CCDC146: variants seen among roughly 807,000 people sequenced by gnomAD.
CCDC146 encodes the protein coiled-coil domain containing 146, also known as coiled-coil domain-containing protein 146.
CCDC146 carries 92 observed loss-of-function variants against 119.3 expected under a neutral mutation model. The ratio of observed to expected loss-of-function variants is 0.77; its 90% CI spans 0.65 to 0.92. The LOEUF (loss-of-function observed/expected upper bound fraction) is 0.92, where lower values mean the gene tolerates loss of function less well. Ranked by LOEUF, CCDC146 falls within the 40% of genes least tolerant of loss-of-function variation. The pLI is 0.00. For missense variants in CCDC146, 1,000 were observed against 1,103.0 expected, an observed-to-expected ratio of 0.91 and a Z score of 1.32; for synonymous variants, 372 against 371.8, an observed-to-expected ratio of 1.00 and a Z score of -0.01.
At chr7:77,198,988 CTA>C (rs1198491610) in intron 2 of CCDC146, 2 of 594,514 alleles carry the variant, frequency 3.4e-6, no homozygotes, top group Non-Finnish European at 5.8e-6. Context: ...ACAGAACTAA[CTA>C]TGATTTTTGT....
chr7:77,282,400 T>C (rs1269873131), intron 14 of CCDC146, 157 bp from the exon 15 acceptor site: 1 of 602,300 alleles, frequency 1.7e-6, no homozygotes, highest in African/African-American at 1.9e-5. Flanking sequence ...AAAGTGTGGA[T>C]GTAATTTAAC....
At chr7:77,227,287 A>G (rs1294372039) in intron 2 of CCDC146, among the ~76,000 whole-genome samples, 1 of 152,114 alleles carries the variant, frequency 6.6e-6, no homozygotes, top group East Asian at 1.9e-4. Flanking sequence ...ACCTACAATT[A>G]GGCTTCAAAC....
rs1368705314 is a variant in CCDC146, at chr7:77,171,452, C to A, written c.156+3628C>A. Among the ~76,000 whole-genome samples, 4 of 152,188 alleles carry A rather than the reference C, an allele frequency of 2.6e-5. No individual in the cohort carries two copies. The East Asian group carries it at 7.7e-4, about 29-fold the overall frequency. ...CTGTGAGAAGACCGGAGGGATAATACCCATATACCTTAATAAAGGTGAGCT... is the reference window on the plus strand; with the variant it reads ...CTGTGAGAAGACCGGAGGGATAATAACCATATACCTTAATAAAGGTGAGCT... On this transcript the variant is annotated intron_variant, in intron 2 of 18. Coordinates refer to ENST00000285871, the MANE Select transcript of CCDC146 (RefSeq NM_020879.3).
At chr7:77,182,226 T>C (rs898746292) in intron 2 of CCDC146, among the ~76,000 whole-genome samples, 8 of 152,164 alleles carry the variant, frequency 5.3e-5, no homozygotes, top group Non-Finnish European at 1.2e-4. Flanking sequence ...TAAATCTTAA[T>C]GATTTGGAAA....
At position 77,242,322 on chromosome 7, in the gene CCDC146, G is replaced by A. The variant is rs539447036; in HGVS notation, c.449+422G>A. On this transcript the variant is annotated intron_variant, in intron 4 of 18. Transcript: ENST00000285871. ...CCAAACAAGCCTCCATGAGCTGAGG[G>A]TCACATGTCATCTGGCTCACTCTAT... The A allele has an allele frequency of 1.6e-4, 155 of 957,512 alleles. No homozygotes were observed. In the Middle Eastern group the frequency reaches 2.7e-3, roughly 16 times the overall value. The allele number at this position is 957,512 out of a possible 1,614,324, so 59.3% of individuals were successfully genotyped here.
chr7:77,294,466 GTGT>G (rs754367051), intron 18 of CCDC146, among the ~76,000 whole-genome samples, 194 bp from the exon 19 acceptor site: 93 of 57,610 alleles, frequency 1.6e-3, no homozygotes, highest in South Asian at 3.9e-3. Context: ...AGAGGTAGGT[GTGT>G]GTGTGTGTGT....
Position 77,234,178 on chromosome 7 carries a change from C to G in CCDC146, c.157-2769C>G, listed in dbSNP as rs560112460. Reference sequence around the variant, plus strand: ...CATTGTACCCATATACATACAAACACACACTCACATATTTACCTTTTCATA... The same window carrying G: ...CATTGTACCCATATACATACAAACAGACACTCACATATTTACCTTTTCATA... On this transcript the variant is annotated intron_variant, in intron 2 of 18. Coordinates refer to ENST00000285871, the MANE Select transcript of CCDC146 (RefSeq NM_020879.3). Among the ~76,000 whole-genome samples, 5 of 152,154 alleles carry G rather than the reference C, an allele frequency of 3.3e-5. No individual in the cohort carries two copies. The East Asian group carries it at 9.6e-4, about 29-fold the overall frequency.
chr7:77,138,172 A>G (rs1016528523), intron 1 of CCDC146, among the ~76,000 whole-genome samples: 11 of 152,176 alleles, frequency 7.2e-5, no homozygotes, highest in African/African-American at 2.6e-4. Context: ...GAACAGAATA[A>G]AGGGTCCAGA....
intron 2 of CCDC146, among the ~76,000 whole-genome samples, chr7:77,235,889 G>T (rs1349055526): frequency 6.6e-6 from 1 of 152,062 alleles, no homozygotes; most frequent in Non-Finnish European, 1.5e-5. Flanking sequence ...GGCTAACATG[G>T]TGAACCCCCA....
rs755612977 is a variant in CCDC146 at position 77,282,648 on chromosome 7, G to T, written c.2011G>T (p.Glu671Ter). 6 of 1,612,214 alleles carry T rather than the reference G, an allele frequency of 3.7e-6. No homozygotes were observed. The highest frequency in any genetic ancestry group is 1.7e-5 in the Admixed American group (1 of 59,982). ...GAAGATGAAACTAAATGGAGAAATT[G>T]AAATACATCTACTGGAAGAAAAGAT... is the stretch of plus-strand genomic sequence containing the variant. ...QEKMKLNGEIEIHLLEEKIQF... is the reference protein window; with the variant it reads ...QEKMKLNGEI Residue 671 changes from glutamate (E) to a stop codon, truncating the protein, a stop_gained, in exon 15 of 19, where the codon GAA becomes TAA. Transcript: ENST00000285871. LOFTEE classifies it high-confidence loss of function.
chr7:77,158,033 A>G (rs116809145), intron 1 of CCDC146, among the ~76,000 whole-genome samples: 2,814 of 152,246 alleles, frequency 0.018, 81 homozygotes, highest in African/African-American at 0.064. Context: ...TGTCAGCAAT[A>G]TCTTTACAAC....
chr7:77,173,940 CT>C (rs534743894), intron 2 of CCDC146, among the ~76,000 whole-genome samples: 275 of 152,318 alleles, frequency 1.8e-3, no homozygotes, highest in African/African-American at 6.2e-3. Context: ...TCCCAATCGT[CT>C]TTATTCTCTT....
At chr7:77,225,802 G>A (rs1336964348) in intron 2 of CCDC146, among the ~76,000 whole-genome samples, 3 of 152,076 alleles carry the variant, frequency 2.0e-5, no homozygotes, top group Non-Finnish European at 4.4e-5. Context: ...AATTAGCTTG[G>A]CATGGTGGCG....
intron 14 of CCDC146, among the ~76,000 whole-genome samples, chr7:77,280,904 C>T (rs1018776046): frequency 4.6e-5 from 7 of 152,102 alleles, no homozygotes; most frequent in Admixed American, 3.9e-4. Context: ...GAGTTCGAGA[C>T]CAGCCTGGGC....
chr7:77,133,572 G>A (rs1216262083), intron 1 of CCDC146, among the ~76,000 whole-genome samples: 1 of 151,450 alleles, frequency 6.6e-6, no homozygotes, highest in Admixed American at 6.6e-5. Context: ...GGCTGGTCTC[G>A]AACTCAGGTG....
chr7:77,131,113 C>T (rs574649964), intron 1 of CCDC146, among the ~76,000 whole-genome samples: 79 of 152,084 alleles, frequency 5.2e-4, no homozygotes, highest in South Asian at 1.9e-3. Context: ...AAACTCCTGA[C>T]CTCAAGTGAT....
chr7:77,158,661 A>G (rs531447282), intron 1 of CCDC146, among the ~76,000 whole-genome samples: 1 of 152,034 alleles, frequency 6.6e-6, no homozygotes, highest in Non-Finnish European at 1.5e-5. Flanking sequence ...CTGGGATTAC[A>G]GGCGCCCACC....
chr7:77,173,089 G>A (rs1187945916), intron 2 of CCDC146, among the ~76,000 whole-genome samples: 12 of 152,152 alleles, frequency 7.9e-5, no homozygotes, highest in Non-Finnish European at 1.5e-4. Flanking sequence ...CCTGTTTGGG[G>A]GTTGGGGGCC....
rs1793265662 is a variant in CCDC146, at chr7:77,260,173, A to G, written c.923A>G (p.His308Arg). Residue 308 changes from histidine (H) to arginine (R), a missense_variant, in exon 8 of 19, where the codon CAT becomes CGT. His to Arg is a conservative substitution (Grantham distance 29). Transcript: ENST00000285871. Reference sequence around the variant, plus strand: ...TTACTTGAAATCAAAGAACGAGAACATAACCAATTGGTCAAGCTATTGGAA... The same window carrying G: ...TTACTTGAAATCAAAGAACGAGAACGTAACCAATTGGTCAAGCTATTGGAA... ...RALLEIKERE[H>R]NQLVKLLELA... 1.2e-6 allele frequency: 2 copies of G among 1,614,032 alleles called. No homozygotes were observed. Among genetic ancestry groups the G allele is most frequent in the African/African-American group, 2.7e-5 (2 of 74,924 alleles).
Sources: gnomAD v4.1 joint callset for allele counts (sites outside exome capture counted in the v4.1 genomes callset) on GRCh38, gnomAD v4.1.1 for gene constraint, MANE v1.5 for transcripts, NCBI Gene and HGNC (gene_info 2026-07-23, HGNC 2026-07-21) for gene names.